CCNJL: variants seen among roughly 807,000 people sequenced by gnomAD.
The protein encoded by CCNJL is cyclin-J-like protein.
Under a neutral mutation model 33.4 loss-of-function variants are expected in CCNJL, and 33 were observed. That is an observed-to-expected ratio of 0.99 (90% confidence interval 0.75 to 1.32). The LOEUF is 1.32. CCNJL is among the 40% of genes most tolerant of loss of function. The pLI is 0.00. For synonymous variants in CCNJL, 227 were observed against 220.9 expected, an observed-to-expected ratio of 1.03 and a Z score of -0.24; for missense variants, 512 against 499.7, an observed-to-expected ratio of 1.02 and a Z score of -0.23.
chr5:160,278,635 C>T (rs1036907267), intron 3 of CCNJL, among the ~76,000 whole-genome samples: 5 of 152,300 alleles, frequency 3.3e-5, no homozygotes, highest in East Asian at 3.9e-4. Flanking sequence ...CCCCTCTCTC[C>T]GCCAAGGTGG....
At chr5:160,320,957 C>A (rs1763444309) in intron 1 of CCNJL, among the ~76,000 whole-genome samples, 1 of 143,642 alleles carries the variant, frequency 7.0e-6, no homozygotes, top group Admixed American at 7.0e-5. Flanking sequence ...CCCTCCTTCT[C>A]TCCTCTCTGT....
intron 5 of CCNJL, chr5:160,254,399 C>G: frequency 1.6e-6 from 1 of 621,664 alleles, no homozygotes; most frequent in Non-Finnish European, 2.9e-6. Flanking sequence ...GAAAACAAAA[C>G]AATTAGAGGC....
chr5:160,254,262 G>A (rs1192253703), intron 5 of CCNJL: 4 of 574,342 alleles, frequency 7.0e-6, no homozygotes, highest in African/African-American at 3.9e-5. Context: ...CATCCCCAGC[G>A]GGGTCACTCC....
chr5:160,269,454 C>T (rs1168992111), intron 3 of CCNJL: 1 of 456,398 alleles, frequency 2.2e-6, no homozygotes, highest in Non-Finnish European at 4.4e-6. Context: ...AAGCTCACTC[C>T]TAACTCACCA....
chr5:160,289,957 A>G (rs1041352544), intron 2 of CCNJL, among the ~76,000 whole-genome samples: 1 of 152,194 alleles, frequency 6.6e-6, no homozygotes, highest in Non-Finnish European at 1.5e-5. Flanking sequence ...GACTGCCCCC[A>G]AGAGAACCAT....
At chr5:160,258,044 C>T (rs1244675963) in intron 4 of CCNJL, among the ~76,000 whole-genome samples, 1 of 151,974 alleles carries the variant, frequency 6.6e-6, no homozygotes, top group Non-Finnish European at 1.5e-5. Flanking sequence ...TGGGGTTTCA[C>T]TATGTTGGCC....
intron 5 of CCNJL, chr5:160,255,305 T>A: frequency 3.4e-6 from 1 of 290,424 alleles, no homozygotes; most frequent in South Asian, 9.1e-5. Context: ...AGAGCGAGAC[T>A]CTGTCTCAAA....
Position 160,283,201 on chromosome 5 carries a change from G to A in CCNJL, c.67-2463C>T, listed in dbSNP as rs1394183090. Among the ~76,000 whole-genome samples the A allele has an allele frequency of 2.6e-5, 4 of 151,444 alleles. No individual in the cohort carries two copies. In the East Asian group the frequency reaches 7.7e-4, roughly 29 times the overall value. On this transcript the variant is annotated intron_variant, in intron 2 of 5. Transcript: ENST00000257536. The stretch of plus-strand genomic sequence containing the variant: ...GAATATTACACATGTTACAGCAGGG[G>A]TGAATCTTGAAAACATTATGTTAAG...
chr5:160,268,754 G>C (rs1761711105), intron 3 of CCNJL, among the ~76,000 whole-genome samples: 2 of 152,168 alleles, frequency 1.3e-5, no homozygotes, highest in African/African-American at 2.4e-5. Context: ...CTGTAGTTAG[G>C]AAACATCCTG....
intron 2 of CCNJL, among the ~76,000 whole-genome samples, chr5:160,289,620 T>A (rs984367118): frequency 6.6e-6 from 1 of 151,920 alleles, no homozygotes; most frequent in Non-Finnish European, 1.5e-5. Context: ...CTGGGGGTTC[T>A]CAAGCAGAAA....
intron 2 of CCNJL, among the ~76,000 whole-genome samples, chr5:160,306,462 T>G (rs374193516): frequency 6.6e-6 from 1 of 152,048 alleles, no homozygotes; most frequent in Non-Finnish European, 1.5e-5. Flanking sequence ...AAACACCCAG[T>G]GGACGAGAAG....
chr5:160,337,003 CTTTTT>C (rs35461944), intron 1 of CCNJL, among the ~76,000 whole-genome samples: 1 of 95,060 alleles, frequency 1.1e-5, no homozygotes. Context: ...CTTTTTCTTT[CTTTTT>C]TTTTTTTTTT....
Position 160,280,650 on chromosome 5 carries a change from T to C in CCNJL, c.155A>G (p.His52Arg). 1 of 1,613,498 alleles carries C rather than the reference T, an allele frequency of 6.2e-7. No homozygotes were observed. The highest frequency in any genetic ancestry group is 8.5e-7 in the Non-Finnish European group (1 of 1,179,886). ...FVDILTLLSS[H>R]CQLCPAARHL... ...CCGGGCTGCAGGGCAGAGCTGGCAG[T>C]GGCTGCTCAGCAGGGTCAGGATGTC... Residue 52 changes from histidine (H) to arginine (R), a missense_variant, in exon 3 of 6, where the codon CAC (histidine) becomes CGC (arginine). Transcript: ENST00000257536.
chr5:160,258,440 T>A lies in CCNJL; in HGVS notation c.583+1029A>T, dbSNP rs1172836267. The A allele has an allele frequency of 6.0e-6, 6 of 1,006,964 alleles. No homozygotes were observed. In the East Asian group the frequency reaches 1.4e-4, roughly 24 times the overall value. The allele number at this position is 1,006,964 out of a possible 1,614,324, so 62.4% of individuals were successfully genotyped here. ...CTTTATAATGACAGGATGTTTCACA[T>A]GAAGAGGGCACTGGACCTGTCCATG... On this transcript the variant is annotated intron_variant, in intron 4 of 5. Transcript: ENST00000257536.
At chr5:160,310,644 G>A (rs892194109) in intron 2 of CCNJL, among the ~76,000 whole-genome samples, 2 of 152,132 alleles carry the variant, frequency 1.3e-5, no homozygotes, top group African/African-American at 4.8e-5. Flanking sequence ...TTCAGAATGT[G>A]ACCTTACTTG....
At position 160,311,991 on chromosome 5, in the gene CCNJL, C is replaced by T. The variant is rs1355198682; in HGVS notation, c.-49-19G>A. On this transcript the variant is annotated intron_variant, in intron 1 of 5. Transcript: ENST00000257536. ...GCGCACCCTGCGTGGACACGGGCAA[C>T]TTCAGCGGCCAGAGCGTACCCCGGG... is the stretch of plus-strand genomic sequence containing the variant. 1.4e-6 allele frequency: 2 copies of T among 1,477,558 alleles called. No individual in the cohort carries two copies. The highest frequency in any genetic ancestry group is 2.8e-5 in the African/African-American group (2 of 72,280). 91.5% of individuals were successfully genotyped at this position (1,477,558 alleles called of 1,614,324 possible). A position where few individuals can be genotyped will look rare whatever the true frequency, so the allele number is the denominator to read the frequency against.
chr5:160,305,674 TA>T (rs1763072689), intron 2 of CCNJL, among the ~76,000 whole-genome samples: 1 of 152,254 alleles, frequency 6.6e-6, no homozygotes, highest in Non-Finnish European at 1.5e-5. Flanking sequence ...TTAAATTGGA[TA>T]TTTTTAAAAT....
upstream of CCNJL, among the ~76,000 whole-genome samples, chr5:160,314,306 G>A (rs1195276139): frequency 4.6e-5 from 7 of 152,354 alleles, no homozygotes; most frequent in South Asian, 1.4e-3. Flanking sequence ...ATAACTGAAA[G>A]TCTAGGAAAA....
At chr5:160,257,661 A>C (rs1321668901) in intron 4 of CCNJL, among the ~76,000 whole-genome samples, 1 of 151,838 alleles carries the variant, frequency 6.6e-6, no homozygotes. Context: ...AAAAAGGAAA[A>C]AAAAAAATAA....
Sources: gnomAD v4.1 joint callset for allele counts (sites outside exome capture counted in the v4.1 genomes callset) on GRCh38, gnomAD v4.1.1 for gene constraint, MANE v1.5 for transcripts, NCBI Gene and HGNC (gene_info 2026-07-23, HGNC 2026-07-21) for gene names.